SLC16A2: variants seen among roughly 807,000 people sequenced by gnomAD.
SLC16A2 encodes the protein monocarboxylate transporter 8.
In SLC16A2, 3 loss-of-function variants were observed where a neutral mutation model predicts 27.2. The observed-to-expected ratio is 0.11, with a 90% CI of 0.05 to 0.28. The LOEUF (loss-of-function observed/expected upper bound fraction) is 0.28, where lower values mean the gene tolerates loss of function less well. Ranked by LOEUF, SLC16A2 falls within the 10% of genes least tolerant of loss-of-function variation. The pLI, the probability that SLC16A2 is intolerant of heterozygous loss-of-function variation, is 1.00. For synonymous variants in SLC16A2, 202 were observed against 187.8 expected (o/e 1.08, Z -0.62); for missense variants, 295 against 458.5 (o/e 0.64, Z 3.26).
intron 1 of SLC16A2, chrX:74,473,830 C>T (rs1602120827): frequency 3.8e-6 from 2 of 523,277 alleles, no homozygotes; most frequent in East Asian, 6.8e-5. Context: ...AGTCTGTGAG[C>T]ATTCCCCATT....
chrX:74,480,074 C>T (rs1209348600), intron 1 of SLC16A2, among the ~76,000 whole-genome samples: 3 of 112,269 alleles, frequency 2.7e-5, no homozygotes, highest in Non-Finnish European at 5.6e-5. Context: ...ATGCCCTGCC[C>T]CCAGAGGTGG....
intron 1 of SLC16A2, among the ~76,000 whole-genome samples, chrX:74,508,748 A>G (rs1195922677): frequency 9.0e-6 from 1 of 111,304 alleles, no homozygotes; most frequent in Non-Finnish European, 1.9e-5. Flanking sequence ...ATGTGAAGAT[A>G]TGTTACATAG....
chrX:74,508,437 A>G (rs1009817891), intron 1 of SLC16A2, among the ~76,000 whole-genome samples: 1 of 112,230 alleles, frequency 8.9e-6, no homozygotes, highest in East Asian at 2.7e-4. Flanking sequence ...ATCCATAAGT[A>G]TTACAAATTT....
At chrX:74,442,577 C>T (rs1221121106) in intron 1 of SLC16A2, among the ~76,000 whole-genome samples, 1 of 112,090 alleles carries the variant, frequency 8.9e-6, no homozygotes, top group African/African-American at 3.2e-5. Context: ...TACTATGTAC[C>T]TAACATGATG....
chrX:74,518,603 A>G (rs1930354862), intron 1 of SLC16A2, among the ~76,000 whole-genome samples: 1 of 111,112 alleles, frequency 9.0e-6, no homozygotes, highest in Non-Finnish European at 1.9e-5. Context: ...AAAAAAAAAA[A>G]AGAAAAAGAA....
intron 1 of SLC16A2, among the ~76,000 whole-genome samples, chrX:74,468,670 T>A (rs748596439): frequency 2.7e-5 from 3 of 112,027 alleles, no homozygotes; most frequent in African/African-American, 6.5e-5. Context: ...GGTACAATTT[T>A]AAAAAAATAT....
At chrX:74,465,077 G>A (rs1244844535) in intron 1 of SLC16A2, among the ~76,000 whole-genome samples, 1 of 112,233 alleles carries the variant, frequency 8.9e-6, no homozygotes, top group African/African-American at 3.2e-5. Context: ...AAGGGGTTCA[G>A]AGAGAAATTG....
rs750553597 is a variant in SLC16A2 at position 74,499,455 on chromosome X, C to CT, written c.431-21520dup. On this transcript the variant is annotated intron_variant, in intron 1 of 5. Transcript: ENST00000587091. ...TCTTTTTTCTTTTCTTTCTTTCTTT[C>CT]TTTTTTTTTTTTTTTCCAGATAGAG... Among the ~76,000 whole-genome samples, 394 of 99,475 alleles carry CT rather than the reference C, an allele frequency of 4.0e-3. 1 individual carries two copies. The highest frequency in any genetic ancestry group is 7.4e-3 in the African/African-American group (204 of 27,594). 86.4% of individuals were successfully genotyped at this position (99,475 alleles called of 115,157 possible).
chrX:74,519,265 C>A (rs1004985213), intron 1 of SLC16A2, among the ~76,000 whole-genome samples: 2 of 107,780 alleles, frequency 1.9e-5, no homozygotes, highest in Non-Finnish European at 3.9e-5. Flanking sequence ...GCAAGCTCCG[C>A]CTCTTGGGTT....
chrX:74,426,319 C>G (rs1214166945), intron 1 of SLC16A2, among the ~76,000 whole-genome samples: 1 of 112,135 alleles, frequency 8.9e-6, no homozygotes, highest in Admixed American at 9.5e-5. Context: ...CGTCATTCCC[C>G]TGCCCCCTTT....
chrX:74,427,816 C>G (rs1258291132), intron 1 of SLC16A2, among the ~76,000 whole-genome samples: 2 of 69,545 alleles, frequency 2.9e-5, no homozygotes, highest in African/African-American at 6.6e-5. Context: ...CGCGCGCACA[C>G]ACACACACAC....
intron 1 of SLC16A2, among the ~76,000 whole-genome samples, chrX:74,512,167 C>A (rs1281936770): frequency 1.8e-5 from 2 of 112,312 alleles, no homozygotes; most frequent in Non-Finnish European, 3.8e-5. Flanking sequence ...CCATGCCAAA[C>A]CAATACCATT....
intron 1 of SLC16A2, among the ~76,000 whole-genome samples, chrX:74,426,361 G>A (rs982529382): frequency 1.8e-5 from 2 of 111,954 alleles, no homozygotes; most frequent in African/African-American, 6.5e-5. Flanking sequence ...CTATGACCAT[G>A]ACTGATACTG....
intron 1 of SLC16A2, among the ~76,000 whole-genome samples, chrX:74,426,199 C>T (rs181143268): frequency 8.9e-6 from 1 of 112,068 alleles, no homozygotes; most frequent in East Asian, 2.8e-4. Context: ...CTGCCAATCT[C>T]TTGACTTCAG....
chrX:74,451,769 C>G (rs1262651425), intron 1 of SLC16A2, among the ~76,000 whole-genome samples: 1 of 112,830 alleles, frequency 8.9e-6, no homozygotes, highest in East Asian at 2.8e-4. Flanking sequence ...TTGGGGGGTC[C>G]CCCCACCTGT....
intron 1 of SLC16A2, among the ~76,000 whole-genome samples, chrX:74,514,892 T>C (rs1930292843): frequency 8.9e-6 from 1 of 112,064 alleles, no homozygotes; most frequent in Non-Finnish European, 1.9e-5. Context: ...CATTTGGTAG[T>C]AATGAAGTTG....
At chrX:74,508,031 A>C (rs1458305180) in intron 1 of SLC16A2, among the ~76,000 whole-genome samples, 2 of 112,016 alleles carry the variant, frequency 1.8e-5, no homozygotes, top group Non-Finnish European at 3.8e-5. Flanking sequence ...TTGCTGGGTC[A>C]TATAGTAGTT....
chrX:74,512,109 A>G (rs7879995), intron 1 of SLC16A2, among the ~76,000 whole-genome samples: 259 of 112,305 alleles, frequency 2.3e-3, no homozygotes, highest in African/African-American at 7.6e-3. Flanking sequence ...ATGTGCCGGC[A>G]TAAGTCATCA....
At chrX:74,518,232 G>A (rs1283322670) in intron 1 of SLC16A2, among the ~76,000 whole-genome samples, 1 of 112,111 alleles carries the variant, frequency 8.9e-6, no homozygotes, top group Non-Finnish European at 1.9e-5. Flanking sequence ...GTTTTGCATT[G>A]CCACCAGCAG....
Sources: gnomAD v4.1 joint callset for allele counts (sites outside exome capture counted in the v4.1 genomes callset) on GRCh38, gnomAD v4.1.1 for gene constraint, MANE v1.5 for transcripts, NCBI Gene and HGNC (gene_info 2026-07-23, HGNC 2026-07-21) for gene names.